Variants in FBXL13 observed in about 807,000 individuals in gnomAD.
FBXL13 encodes the protein F-box and leucine-rich repeat protein 13.
In FBXL13, 67 loss-of-function variants were observed where a neutral mutation model predicts 83.6. The ratio of observed to expected loss-of-function variants is 0.80; its 90% CI spans 0.66 to 0.98. The LOEUF (loss-of-function observed/expected upper bound fraction) is 0.98. Among genes scored for constraint, FBXL13 ranks in the 50% least tolerant of loss-of-function variants. The pLI is 0.00. For synonymous variants in FBXL13, 272 were observed against 299.5 expected (o/e 0.91, Z 0.95); for missense variants, 822 against 866.5 (o/e 0.95, Z 0.64).
chr7:102,827,087 C>A (rs1376812065), intron 18 of FBXL13: 10 of 445,092 alleles, frequency 2.2e-5, no homozygotes, highest in Non-Finnish European at 4.6e-5. Flanking sequence ...TTGCTTTGAC[C>A]AAAGGAATGG....
At chr7:102,887,713 C>A (rs1810981443) in intron 11 of FBXL13, among the ~76,000 whole-genome samples, 1 of 152,190 alleles carries the variant, frequency 6.6e-6, no homozygotes, top group Non-Finnish European at 1.5e-5. Context: ...CCACTTTACT[C>A]AAAGTCTACT....
chr7:103,009,930 A>G (rs187759026), intron 6 of FBXL13, among the ~76,000 whole-genome samples: 1 of 152,282 alleles, frequency 6.6e-6, no homozygotes, highest in African/African-American at 2.4e-5. Flanking sequence ...TGCCCCCACC[A>G]CTGGTAGCCA....
intron 6 of FBXL13, among the ~76,000 whole-genome samples, chr7:103,010,159 C>G (rs117780463): frequency 6.6e-6 from 1 of 152,160 alleles, no homozygotes; most frequent in African/African-American, 2.4e-5. Flanking sequence ...CCTGTTGTCC[C>G]GGGAAATACC....
At chr7:103,054,588 T>C (rs975142049) in intron 2 of FBXL13, among the ~76,000 whole-genome samples, 2 of 152,194 alleles carry the variant, frequency 1.3e-5, no homozygotes. Context: ...GTACCAGTTT[T>C]CAGTAACAAT....
Position 102,926,393 on chromosome 7 carries a change from G to C in FBXL13, c.778-19C>G, listed in dbSNP as rs778145204. The C allele has an allele frequency of 1.4e-5, 22 of 1,589,958 alleles. No individual in the cohort carries two copies. Among genetic ancestry groups the C allele is most frequent in the Non-Finnish European group, 1.8e-5 (21 of 1,162,032 alleles). ...ATTCATCCTGCATGAAAAACAGAGG[G>C]AAGAGGCTTATCAAATTATAGCAGG... On this transcript the variant is annotated intron_variant, in intron 9 of 19. Transcript: ENST00000313221.
chr7:102,830,909 T>C (rs1800548560), intron 18 of FBXL13, among the ~76,000 whole-genome samples: 1 of 152,242 alleles, frequency 6.6e-6, no homozygotes, highest in South Asian at 2.1e-4. Context: ...TATCTTCCAC[T>C]TTAGAGACTT....
intron 11 of FBXL13, among the ~76,000 whole-genome samples, chr7:102,904,569 C>T (rs1224427975): frequency 6.6e-6 from 1 of 151,480 alleles, no homozygotes; most frequent in Non-Finnish European, 1.5e-5. Flanking sequence ...TTTTTGTTGT[C>T]ATTTCATTGA....
rs879536381 is a variant in FBXL13, at chr7:102,970,348, TAA to T, written c.496-2233_496-2232del. ...GAAATAATAATAAATTCATTTTTTT[TAA>T]AAAAATGAATGAAAAGAAAAAAAGA... is the stretch of plus-strand genomic sequence containing the variant. On this transcript the variant is annotated intron_variant, in intron 6 of 19. Coordinates refer to ENST00000313221, the Ensembl canonical transcript of FBXL13. Among the ~76,000 whole-genome samples, 450 of 150,036 alleles carry T rather than the reference TAA, an allele frequency of 3.0e-3. 1 individual carries two copies. The highest frequency in any genetic ancestry group is 0.01 in the African/African-American group (412 of 40,810).
chr7:102,926,831 T>G (rs139210934), intron 9 of FBXL13, among the ~76,000 whole-genome samples: 194 of 152,362 alleles, frequency 1.3e-3, no homozygotes, highest in Non-Finnish European at 1.9e-3. Flanking sequence ...CACATATACA[T>G]TTATACATAG....
chr7:102,873,939 C>T (rs1808879152), intron 16 of FBXL13, among the ~76,000 whole-genome samples: 1 of 152,172 alleles, frequency 6.6e-6, no homozygotes, highest in South Asian at 2.1e-4. Context: ...AACCACTTGC[C>T]CTACTCCTGT....
rs1813125149 is a variant in FBXL13 at position 102,902,742 on chromosome 7, T to C, written c.1008+10344A>G. On this transcript the variant is annotated intron_variant, in intron 11 of 19. Transcript: ENST00000313221. Reference sequence around the variant, plus strand: ...GCTGAAAATGAGTCCACTGTCGGTGTATAGATTTGTTTCTGGGTTCTCTAT... The same window carrying C: ...GCTGAAAATGAGTCCACTGTCGGTGCATAGATTTGTTTCTGGGTTCTCTAT... Among the ~76,000 whole-genome samples, 3 of 152,320 alleles carry C rather than the reference T, an allele frequency of 2.0e-5. No individual in the cohort carries two copies. The South Asian group carries it at 6.2e-4, about 32-fold the overall frequency.
chr7:102,983,711 G>T (rs376401056), intron 6 of FBXL13, among the ~76,000 whole-genome samples: 2 of 151,910 alleles, frequency 1.3e-5, no homozygotes, highest in African/African-American at 4.8e-5. Context: ...ATGAGCCACC[G>T]CACCCAGCAA....
At chr7:102,990,146 G>A (rs980929543) in intron 6 of FBXL13, among the ~76,000 whole-genome samples, 3 of 152,218 alleles carry the variant, frequency 2.0e-5, no homozygotes, top group Non-Finnish European at 4.4e-5. Context: ...AGAGAGTGGT[G>A]GGTGAAAGCC....
intron 8 of FBXL13, among the ~76,000 whole-genome samples, chr7:102,937,345 CAA>C (rs373845836): frequency 7.0e-6 from 1 of 143,736 alleles, no homozygotes. Context: ...ACTAAAAATA[CAA>C]AAAAAAAAAA....
At chr7:102,914,238 A>G (rs1815370165) in intron 10 of FBXL13, among the ~76,000 whole-genome samples, 1 of 152,072 alleles carries the variant, frequency 6.6e-6, no homozygotes. Context: ...ATGTCCAGCT[A>G]ATTTTTGTAT....
At chr7:102,903,934 CTTTTCTTTTT>C in intron 11 of FBXL13, among the ~76,000 whole-genome samples, 1 of 60,982 alleles carries the variant, frequency 1.6e-5, no homozygotes, top group Admixed American at 1.5e-4. Context: ...GTTTTCTTTT[CTTTTCTTTTT>C]TTTTTTTTTT....
chr7:102,881,046 C>T lies in FBXL13; in HGVS notation c.1388+2259G>A, dbSNP rs115070604. Among the ~76,000 whole-genome samples the T allele has an allele frequency of 7.6e-3, 1,156 of 152,308 alleles. 18 individuals carry two copies. The highest frequency in any genetic ancestry group is 0.026 in the African/African-American group (1,100 of 41,556). ...GGATATTTCTCTTACTCTTTGTGAG[C>T]TCAGCAGTATATTGAAAATATATTT... On this transcript the variant is annotated intron_variant, in intron 14 of 19. Transcript: ENST00000313221.
At chr7:102,830,207 C>A (rs988833610) in intron 18 of FBXL13, among the ~76,000 whole-genome samples, 30 of 152,260 alleles carry the variant, frequency 2.0e-4, no homozygotes, top group Middle Eastern at 3.4e-3. Context: ...AAACAAAAAA[C>A]CAAAGCAAAC....
At chr7:102,834,380 T>TTATATA (rs138627096) in intron 17 of FBXL13, among the ~76,000 whole-genome samples, 2 of 145,316 alleles carry the variant, frequency 1.4e-5, no homozygotes, top group African/African-American at 5.0e-5. Context: ...TATATATAAA[T>TTATATA]TATATATATA....
Sources: gnomAD v4.1 joint callset for allele counts (sites outside exome capture counted in the v4.1 genomes callset) on GRCh38, gnomAD v4.1.1 for gene constraint, MANE v1.5 for transcripts, NCBI Gene and HGNC (gene_info 2026-07-23, HGNC 2026-07-21) for gene names.